The following WDPCP variants were observed in gnomAD, a reference collection of about 807,000 sequenced individuals.
WDPCP encodes the protein WD repeat-containing and planar cell polarity effector protein fritz homolog.
Under a neutral mutation model 93.1 loss-of-function variants are expected in WDPCP, and 71 were observed. The ratio of observed to expected loss-of-function variants is 0.76; its 90% confidence interval spans 0.63 to 0.93. The LOEUF (loss-of-function observed/expected upper bound fraction) is 0.93, where lower values mean the gene tolerates loss of function less well. Ranked by LOEUF, WDPCP falls within the 40% of genes least tolerant of loss-of-function variation. The pLI, the probability that WDPCP is intolerant of heterozygous loss-of-function variation, is 0.00. For missense variants in WDPCP, 844 were observed against 887.4 expected (o/e 0.95, Z 0.62); for synonymous variants, 315 against 315.0 (o/e 1.00, Z 0.00).
Position 63,507,539 on chromosome 2 carries a change from T to C in WDPCP, c.76-14599A>G, listed in dbSNP as rs553286577. Among the ~76,000 whole-genome samples, 11 of 151,868 alleles carry C rather than the reference T, an allele frequency of 7.2e-5. No individual in the cohort carries two copies. In the South Asian group the frequency reaches 2.1e-3, roughly 29 times the overall value. On this transcript the variant is annotated intron_variant, in intron 1 of 17. Transcript: ENST00000272321. ...GATGAAATAAACCCAAGAAGGCGGATGATATAGAATCCAGGAAGGGAACAA... is the reference window on the plus strand; with the variant it reads ...GATGAAATAAACCCAAGAAGGCGGACGATATAGAATCCAGGAAGGGAACAA...
At chr2:63,126,374 C>A (rs918412608) in intron 17 of WDPCP, among the ~76,000 whole-genome samples, 1 of 152,046 alleles carries the variant, frequency 6.6e-6, no homozygotes, top group African/African-American at 2.4e-5. Context: ...TTTCCATTAC[C>A]TAATTTGACA....
At chr2:63,378,608 A>T in intron 11 of WDPCP, 99 bp from the exon 12 acceptor site, 5 of 1,497,568 alleles carry the variant, frequency 3.3e-6, no homozygotes, top group Non-Finnish European at 4.6e-6. Context: ...GCAGACTTGG[A>T]TGAAACATGA....
chr2:63,806,369 A>G (rs1670762799), intron 2 of WDPCP, among the ~76,000 whole-genome samples: 1 of 152,136 alleles, frequency 6.6e-6, no homozygotes, highest in Non-Finnish European at 1.5e-5. Context: ...GAGTGTGCGA[A>G]TAGGTGTGGG....
At chr2:63,574,400 A>G (rs957385066) in intron 1 of WDPCP, among the ~76,000 whole-genome samples, 1 of 152,184 alleles carries the variant, frequency 6.6e-6, no homozygotes, top group African/African-American at 2.4e-5. Flanking sequence ...TATCTGGCTG[A>G]ATTTCCCCCG....
At chr2:63,757,440 A>C (rs1669986885) in intron 2 of WDPCP, among the ~76,000 whole-genome samples, 1 of 152,184 alleles carries the variant, frequency 6.6e-6, no homozygotes, top group Non-Finnish European at 1.5e-5. Context: ...TCACAGGTGT[A>C]AGTAGGATCT....
intron 2 of WDPCP, among the ~76,000 whole-genome samples, chr2:63,798,897 A>G (rs1670652484): frequency 1.3e-5 from 2 of 152,312 alleles, no homozygotes; most frequent in South Asian, 4.1e-4. Flanking sequence ...TTCCATGCCA[A>G]TTAAAACAAA....
At chr2:63,625,296 C>T (rs1295963289) in intron 3 of WDPCP, among the ~76,000 whole-genome samples, 1 of 152,198 alleles carries the variant, frequency 6.6e-6, no homozygotes, top group Non-Finnish European at 1.5e-5. Context: ...TCTCTCACCA[C>T]TCCTATTCAA....
At chr2:63,601,905 A>C (rs1286884911) in intron 3 of WDPCP, among the ~76,000 whole-genome samples, 1 of 152,192 alleles carries the variant, frequency 6.6e-6, no homozygotes, top group African/African-American at 2.4e-5. Context: ...TTTAAGTATA[A>C]ATATAAGAGC....
At chr2:63,599,150 G>A (rs767425242) in intron 3 of WDPCP, 4 of 1,611,712 alleles carry the variant, frequency 2.5e-6, no homozygotes, top group Non-Finnish European at 3.4e-6. Context: ...TAACTCTTCA[G>A]TGCCTTCCAT....
intron 3 of WDPCP, among the ~76,000 whole-genome samples, chr2:63,612,264 A>G (rs896950941): frequency 2.0e-5 from 3 of 152,202 alleles, no homozygotes; most frequent in African/African-American, 7.2e-5. Flanking sequence ...AAATGGGGAT[A>G]TTAATAGTAC....
intron 13 of WDPCP, among the ~76,000 whole-genome samples, chr2:63,301,757 G>A (rs1685349602): frequency 6.6e-6 from 1 of 151,640 alleles, no homozygotes; most frequent in Non-Finnish European, 1.5e-5. Flanking sequence ...TCTCCACACT[G>A]AGTCACACCA....
At chr2:63,741,669 G>A (rs1271754079) in intron 2 of WDPCP, among the ~76,000 whole-genome samples, 3 of 151,776 alleles carry the variant, frequency 2.0e-5, no homozygotes, top group African/African-American at 7.3e-5. Flanking sequence ...CTGGGTAAGT[G>A]AAAAATCAGT....
At chr2:63,533,190 G>A (rs184840160) in intron 1 of WDPCP, among the ~76,000 whole-genome samples, 1 of 152,292 alleles carries the variant, frequency 6.6e-6, no homozygotes, top group Admixed American at 6.5e-5. Flanking sequence ...CCCAGTACAG[G>A]AGCACCCAGA....
chr2:63,248,890 A>T (rs1256084784), intron 14 of WDPCP, among the ~76,000 whole-genome samples: 1 of 147,210 alleles, frequency 6.8e-6, no homozygotes. Context: ...TTCTTTTTTG[A>T]TATTTTCATT....
At chr2:63,392,592 A>C (rs570101820) in intron 10 of WDPCP, among the ~76,000 whole-genome samples, 1 of 152,356 alleles carries the variant, frequency 6.6e-6, no homozygotes, top group Admixed American at 6.5e-5. Context: ...CATTAGAGTG[A>C]ACAGGCAACC....
At chr2:63,740,546 G>A (rs1307947259) in intron 2 of WDPCP, among the ~76,000 whole-genome samples, 5 of 152,248 alleles carry the variant, frequency 3.3e-5, no homozygotes, top group Admixed American at 6.5e-5. Flanking sequence ...TGCTGTCTAA[G>A]TGAATATTCC....
At chr2:63,707,896 A>T (rs62177965) in intron 2 of WDPCP, among the ~76,000 whole-genome samples, 13 of 150,300 alleles carry the variant, frequency 8.6e-5, no homozygotes, top group Admixed American at 2.0e-4. Context: ...GGTCCACTCC[A>T]GACCCTGTTT....
At chr2:63,764,918 T>C (rs548677080) in intron 2 of WDPCP, among the ~76,000 whole-genome samples, 55 of 152,198 alleles carry the variant, frequency 3.6e-4, no homozygotes, top group African/African-American at 1.3e-3. Context: ...AGTAGGAACA[T>C]GGTAAATAAA....
intron 14 of WDPCP, among the ~76,000 whole-genome samples, chr2:63,248,503 C>T (rs1680463759): frequency 1.3e-5 from 2 of 152,096 alleles, no homozygotes; most frequent in South Asian, 4.1e-4. Context: ...ATTATTTCTT[C>T]AGATCATCTT....
Sources: allele counts gnomAD v4.1 joint callset (sites outside exome capture counted in the v4.1 genomes callset), GRCh38; gene constraint gnomAD v4.1.1; transcripts MANE v1.5; gene names NCBI Gene and HGNC (gene_info 2026-07-23, HGNC 2026-07-21).